Variants in PPP2R2C observed in about 807,000 individuals in gnomAD.
The protein encoded by PPP2R2C is protein phosphatase 2, regulatory subunit B, gamma.
A neutral mutation model predicts 45.3 loss-of-function variants in PPP2R2C; 10 were observed. That is an observed-to-expected ratio of 0.22 (90% CI 0.14 to 0.37). The LOEUF is 0.37. PPP2R2C is among the 10% of genes least tolerant of loss of function. The pLI, the probability that PPP2R2C is intolerant of heterozygous loss-of-function variation, is 1.00. For synonymous variants in PPP2R2C, 257 were observed against 245.4 expected, an observed-to-expected ratio of 1.05 and a Z score of -0.44; for missense variants, 308 against 619.7, an observed-to-expected ratio of 0.50 and a Z score of 5.34.
At chr4:6,385,514 T>A (rs1339866184) in intron 1 of PPP2R2C, among the ~76,000 whole-genome samples, 1 of 152,062 alleles carries the variant, frequency 6.6e-6, no homozygotes, top group Non-Finnish European at 1.5e-5. Flanking sequence ...TCCTGGATAG[T>A]CCCCTTTCCC....
intron 2 of PPP2R2C, among the ~76,000 whole-genome samples, chr4:6,533,738 G>T (rs1724484516): frequency 6.6e-6 from 1 of 152,062 alleles, no homozygotes; most frequent in African/African-American, 2.4e-5. Flanking sequence ...ATTTATAACT[G>T]AGCACACCAG....
At chr4:6,515,309 G>A (rs531616578) in intron 2 of PPP2R2C, among the ~76,000 whole-genome samples, 1 of 152,262 alleles carries the variant, frequency 6.6e-6, no homozygotes, top group East Asian at 1.9e-4. Context: ...AACCTTCTTG[G>A]CACAGCTGGG....
chr4:6,521,397 T>G (rs1325022966), intron 2 of PPP2R2C, among the ~76,000 whole-genome samples: 1 of 152,230 alleles, frequency 6.6e-6, no homozygotes, highest in Non-Finnish European at 1.5e-5. Context: ...CCCTCTCCCA[T>G]GATCTAGCCA....
intron 1 of PPP2R2C, chr4:6,384,073 C>G (rs1463653190): frequency 4.1e-6 from 4 of 985,448 alleles, no homozygotes; most frequent in Non-Finnish European, 4.8e-6. Flanking sequence ...GAAACGCCCA[C>G]CGGGCATGGA....
Position 6,323,171 on chromosome 4 carries a change from C to T in PPP2R2C, c.*131G>A, listed in dbSNP as rs897519686. ...AGGGGGCCCAAACTTCCTGTGTCCA[C>T]ACACTGCCACCTCTGCAGCTGTCCT... On this transcript the variant is annotated 3_prime_UTR_variant, in exon 9 of 9. Coordinates refer to ENST00000382599, the MANE Select transcript of PPP2R2C (RefSeq NM_020416.4). 3.7e-5 allele frequency: 42 copies of T among 1,139,132 alleles called. No homozygotes were observed. Among genetic ancestry groups the T allele is most frequent in the Non-Finnish European group, 4.9e-5 (41 of 843,830 alleles). 70.6% of individuals were successfully genotyped at this position (1,139,132 alleles called of 1,614,324 possible). A position where few individuals can be genotyped will look rare whatever the true frequency, so the allele number is the denominator to read the frequency against.
At chr4:6,446,726 G>A (rs530938529) in intron 1 of PPP2R2C, among the ~76,000 whole-genome samples, 5 of 152,124 alleles carry the variant, frequency 3.3e-5, no homozygotes, top group Admixed American at 2.0e-4. Context: ...CAGACTCCCC[G>A]CCAACGGCCC....
intron 6 of PPP2R2C, among the ~76,000 whole-genome samples, chr4:6,346,797 G>T (rs548270409): frequency 6.6e-6 from 1 of 152,212 alleles, no homozygotes; most frequent in Admixed American, 6.5e-5. Context: ...GGAACAGTGT[G>T]GCCCCATCGC....
At chr4:6,353,080 C>T (rs907531342) in intron 5 of PPP2R2C, among the ~76,000 whole-genome samples, 1 of 152,074 alleles carries the variant, frequency 6.6e-6, no homozygotes, top group Non-Finnish European at 1.5e-5. Context: ...ACGGCCCTGC[C>T]AACACCTGGA....
chr4:6,369,972 T>C (rs911059172), intron 5 of PPP2R2C, among the ~76,000 whole-genome samples: 1 of 152,200 alleles, frequency 6.6e-6, no homozygotes, highest in East Asian at 1.9e-4. Flanking sequence ...ATCCCTTCCA[T>C]ACTCTAGGGC....
intron 5 of PPP2R2C, among the ~76,000 whole-genome samples, chr4:6,363,229 C>T (rs986072167): frequency 1.3e-5 from 2 of 152,172 alleles, no homozygotes; most frequent in African/African-American, 4.8e-5. Flanking sequence ...GAACAATACC[C>T]TCTCTTCTGG....
At chr4:6,528,800 A>G (rs993754903) in intron 2 of PPP2R2C, among the ~76,000 whole-genome samples, 4 of 152,026 alleles carry the variant, frequency 2.6e-5, no homozygotes, top group Non-Finnish European at 4.4e-5. Context: ...AAGCTCCCCT[A>G]CTGAGCACCT....
intron 1 of PPP2R2C, chr4:6,382,294 T>A: frequency 7.8e-7 from 1 of 1,275,804 alleles, no homozygotes; most frequent in South Asian, 1.3e-5. Flanking sequence ...CTGGCCTGGA[T>A]TCTGTAGTCT....
intron 1 of PPP2R2C, among the ~76,000 whole-genome samples, chr4:6,386,276 G>C (rs531803114): frequency 5.3e-5 from 8 of 152,322 alleles, no homozygotes; most frequent in Non-Finnish European, 4.4e-5. Flanking sequence ...TCATAGGGCT[G>C]CCAGAACTCA....
At chr4:6,338,069 T>C (rs1471237016) in intron 6 of PPP2R2C, among the ~76,000 whole-genome samples, 4 of 151,828 alleles carry the variant, frequency 2.6e-5, no homozygotes, top group African/African-American at 9.7e-5. Flanking sequence ...TGCACCACCT[T>C]CAGAGCGCTA....
At chr4:6,532,527 G>A (rs182591456) in intron 2 of PPP2R2C, among the ~76,000 whole-genome samples, 8 of 152,332 alleles carry the variant, frequency 5.3e-5, no homozygotes, top group Admixed American at 2.6e-4. Context: ...CTGGGGAGGC[G>A]CAGGCTCATT....
At chr4:6,391,111 G>A (rs1399995157) in intron 1 of PPP2R2C, among the ~76,000 whole-genome samples, 1 of 152,096 alleles carries the variant, frequency 6.6e-6, no homozygotes, top group Non-Finnish European at 1.5e-5. Flanking sequence ...GTCTGTATGG[G>A]GTGGGTGCCA....
intron 3 of PPP2R2C, among the ~76,000 whole-genome samples, chr4:6,376,293 T>G (rs903780466): frequency 6.6e-6 from 1 of 152,150 alleles, no homozygotes; most frequent in Non-Finnish European, 1.5e-5. Flanking sequence ...AACTGAGAAC[T>G]GGGGTCAGTG....
At chr4:6,472,065 C>A in intron 1 of PPP2R2C, 95 bp downstream of exon 1, 1 of 1,493,342 alleles carries the variant, frequency 6.7e-7, no homozygotes, top group Non-Finnish European at 9.2e-7. Flanking sequence ...GGACACGACA[C>A]ACATCGCGCG....
At chr4:6,542,515 G>A (rs867736931) in intron 1 of PPP2R2C, among the ~76,000 whole-genome samples, 5 of 152,120 alleles carry the variant, frequency 3.3e-5, no homozygotes, top group South Asian at 2.1e-4. Flanking sequence ...CCAACATGAC[G>A]AAACCCTGTC....
Sources: allele counts gnomAD v4.1 joint callset (sites outside exome capture counted in the v4.1 genomes callset), GRCh38; gene constraint gnomAD v4.1.1; transcripts MANE v1.5; gene names NCBI Gene and HGNC (gene_info 2026-07-23, HGNC 2026-07-21).